The following DLGAP1 variants were observed in gnomAD, a reference collection of about 807,000 sequenced individuals.
DLGAP1 encodes disks large-associated protein 1.
DLGAP1 carries 11 observed loss-of-function variants against 90.8 expected under a neutral mutation model. The observed-to-expected ratio is 0.12, with a 90% CI of 0.08 to 0.20. DLGAP1 has a LOEUF of 0.20. Among genes scored for constraint, DLGAP1 ranks in the 10% least tolerant of loss-of-function variants. DLGAP1 has a pLI of 1.00. For missense variants in DLGAP1, 1,050 were observed against 1,333.8 expected (o/e 0.79, Z 3.31); for synonymous variants, 558 against 540.7 (o/e 1.03, Z -0.44).
intron 1 of DLGAP1, among the ~76,000 whole-genome samples, chr18:4,208,936 CAG>C (rs1221491766): frequency 9.9e-5 from 15 of 152,108 alleles, no homozygotes; most frequent in Non-Finnish European, 2.1e-4. Context: ...CTGCAGAAAG[CAG>C]AGAGAGCTCC....
rs1249058164 is a variant in DLGAP1 at position 4,378,399 on chromosome 18, AT to A, written c.-267+76606del. ...ATTATAACTTTTTAACGACAAAATCATTCTGTATAATTAAGCTTAAACATCT... is the reference window on the plus strand; with the variant it reads ...ATTATAACTTTTTAACGACAAAATCATCTGTATAATTAAGCTTAAACATCT... On this transcript the variant is annotated intron_variant, in intron 1 of 12. Transcript: ENST00000315677. This position sits in a 1 kb window ranked among gnomAD's most constrained non-coding sequence, Gnocchi z 4.5. Among the ~76,000 whole-genome samples the A allele has an allele frequency of 2.6e-5, 4 of 152,118 alleles. No individual in the cohort carries two copies. The highest frequency in any genetic ancestry group is 5.9e-5 in the Non-Finnish European group (4 of 67,992).
chr18:4,088,836 G>A (rs539729312), intron 2 of DLGAP1, among the ~76,000 whole-genome samples: 1 of 152,276 alleles, frequency 6.6e-6, no homozygotes, highest in African/African-American at 2.4e-5. Context: ...CAAACCCACA[G>A]CCAATATCAT....
chr18:4,153,446 A>G (rs572912040), intron 1 of DLGAP1, among the ~76,000 whole-genome samples: 1 of 152,342 alleles, frequency 6.6e-6, no homozygotes, highest in East Asian at 1.9e-4. Context: ...GACAGCACTG[A>G]GATTAAAATG....
chr18:3,790,943 GCA>G (rs2065703153), intron 5 of DLGAP1, among the ~76,000 whole-genome samples: 1 of 152,150 alleles, frequency 6.6e-6, no homozygotes, highest in Non-Finnish European at 1.5e-5. Context: ...TTGCAGACAG[GCA>G]CAGACAAACA....
At chr18:4,041,491 C>T (rs1598290092) in intron 2 of DLGAP1, among the ~76,000 whole-genome samples, 1 of 152,188 alleles carries the variant, frequency 6.6e-6, no homozygotes, top group African/African-American at 2.4e-5. Context: ...GTTTGAGCAT[C>T]TTTCTTTTAT....
At chr18:3,647,275 T>C (rs1003075680) in intron 7 of DLGAP1, among the ~76,000 whole-genome samples, 1 of 147,476 alleles carries the variant, frequency 6.8e-6, no homozygotes, top group South Asian at 2.1e-4. Flanking sequence ...AATAAATAAA[T>C]AAAAATATAC....
At chr18:3,694,299 T>G (rs1935483444) in intron 7 of DLGAP1, among the ~76,000 whole-genome samples, 1 of 152,226 alleles carries the variant, frequency 6.6e-6, no homozygotes. Flanking sequence ...GATGGGCATT[T>G]GGGTTGGTTC....
intron 3 of DLGAP1, chr18:3,894,787 G>A (rs1459945601): frequency 1.3e-5 from 2 of 152,170 alleles, no homozygotes; most frequent in Non-Finnish European, 2.9e-5. Flanking sequence ...TTTAGCATAT[G>A]TGTTGCTGAA....
intron 1 of DLGAP1, among the ~76,000 whole-genome samples, chr18:4,259,066 G>A (rs1031059523): frequency 4.6e-5 from 7 of 152,108 alleles, no homozygotes; most frequent in Non-Finnish European, 7.3e-5. Context: ...TTGTACATAC[G>A]TGCAGGACAT....
At chr18:4,076,632 TA>T (rs1039142990) in intron 2 of DLGAP1, among the ~76,000 whole-genome samples, 9 of 152,146 alleles carry the variant, frequency 5.9e-5, no homozygotes, top group Admixed American at 3.9e-4. Context: ...TTATTATTAT[TA>T]TTTTTCTTGA....
chr18:4,204,253 T>C (rs1293097811), intron 1 of DLGAP1, among the ~76,000 whole-genome samples: 1 of 152,214 alleles, frequency 6.6e-6, no homozygotes, highest in Non-Finnish European at 1.5e-5. Context: ...TTTTAAAAAA[T>C]GGTACTAACA....
At chr18:3,682,125 A>AT (rs1192425139) in intron 7 of DLGAP1, among the ~76,000 whole-genome samples, 2 of 117,506 alleles carry the variant, frequency 1.7e-5, no homozygotes, top group African/African-American at 9.8e-5. Context: ...TCAAAAAAAA[A>AT]AAAAATAAAA....
At position 3,880,071 on chromosome 18, in the gene DLGAP1, C is replaced by A. The variant is rs780853266; in HGVS notation, c.-3G>T. 4.4e-6 allele frequency: 7 copies of A among 1,598,882 alleles called. No individual in the cohort carries two copies. The highest frequency in any genetic ancestry group is 5.1e-6 in the Non-Finnish European group (6 of 1,179,538). On this transcript the variant is annotated 5_prime_UTR_variant, in exon 4 of 13. Transcript: ENST00000315677. Reference sequence around the variant, plus strand: ...CGGCTGCCTGATAGCCCTTTCATGGCGGACCGGAAGCAGCCGCCAGGGTCA... The same window carrying A: ...CGGCTGCCTGATAGCCCTTTCATGGAGGACCGGAAGCAGCCGCCAGGGTCA...
At chr18:4,202,977 T>G (rs1568448509) in intron 1 of DLGAP1, among the ~76,000 whole-genome samples, 1 of 152,158 alleles carries the variant, frequency 6.6e-6, no homozygotes. Context: ...ATCACCTGAT[T>G]AAAATATGAT....
intron 1 of DLGAP1, among the ~76,000 whole-genome samples, chr18:4,426,551 A>G (rs2083160885): frequency 6.6e-6 from 1 of 152,212 alleles, no homozygotes; most frequent in African/African-American, 2.4e-5. Context: ...GGAGCCAGAC[A>G]TCTTGCCTTT....
intron 2 of DLGAP1, among the ~76,000 whole-genome samples, chr18:4,147,625 C>T (rs763073274): frequency 1.3e-5 from 2 of 148,638 alleles, no homozygotes; most frequent in African/African-American, 5.0e-5. Context: ...ATCCATCCAT[C>T]CATCCTTTAT....
chr18:3,952,801 T>C (rs1376305147), intron 3 of DLGAP1, among the ~76,000 whole-genome samples: 1 of 152,168 alleles, frequency 6.6e-6, no homozygotes, highest in Non-Finnish European at 1.5e-5. Flanking sequence ...TCAGAAGCAA[T>C]GGAAAACAAT....
chr18:4,435,037 G>A (rs193083337), intron 1 of DLGAP1, among the ~76,000 whole-genome samples: 4 of 152,274 alleles, frequency 2.6e-5, no homozygotes. Flanking sequence ...GGTCATGGAG[G>A]GCTAGACATG....
intron 10 of DLGAP1, among the ~76,000 whole-genome samples, chr18:3,510,263 T>A (rs772891230): frequency 8.5e-5 from 13 of 152,220 alleles, no homozygotes; most frequent in Non-Finnish European, 1.9e-4. Flanking sequence ...ATGGTACCTA[T>A]CTGGAGGGTT....
Sources: gnomAD v4.1 joint callset for allele counts (sites outside exome capture counted in the v4.1 genomes callset) on GRCh38, gnomAD v4.1.1 for gene constraint, Gnocchi (gnomAD v3.1) non-coding constraint, MANE v1.5 for transcripts, NCBI Gene and HGNC (gene_info 2026-07-23, HGNC 2026-07-21) for gene names.